Variants in HTT observed in about 807,000 individuals in gnomAD.
HTT encodes huntington disease protein.
HTT carries 104 observed loss-of-function variants against 362.3 expected under a neutral mutation model. The ratio of observed to expected loss-of-function variants is 0.29; its 90% CI spans 0.24 to 0.34. The LOEUF is 0.34. HTT is among the 10% of genes least tolerant of loss of function. HTT has a pLI of 1.00. For missense variants in HTT, 3,301 were observed against 3,928.6 expected, an observed-to-expected ratio of 0.84 and a Z score of 4.27; for synonymous variants, 1,577 against 1,548.7, an observed-to-expected ratio of 1.02 and a Z score of -0.43.
At chr4:3,105,052 G>A (rs555465227) in intron 4 of HTT, among the ~76,000 whole-genome samples, 3 of 152,268 alleles carry the variant, frequency 2.0e-5, no homozygotes, top group South Asian at 4.1e-4. Flanking sequence ...GCAGGTGTGG[G>A]ATTTCATCGT....
intron 7 of HTT, among the ~76,000 whole-genome samples, chr4:3,115,709 G>T (rs1244110275): frequency 2.0e-5 from 3 of 152,222 alleles, no homozygotes; most frequent in Non-Finnish European, 2.9e-5. Context: ...GTCTGTGTCG[G>T]CCATGACTAT....
At chr4:3,105,545 T>C in intron 5 of HTT, 109 bp downstream of exon 5, 5 of 764,850 alleles carry the variant, frequency 6.5e-6, no homozygotes, top group East Asian at 2.5e-5. Context: ...CTCTCCAAAT[T>C]GCAGTCGACC....
chr4:3,160,171 G>A (rs1380435444), intron 28 of HTT, 111 bp from the exon 29 acceptor site: 35 of 709,730 alleles, frequency 4.9e-5, no homozygotes, highest in Non-Finnish European at 7.7e-5. Flanking sequence ...AGTGTACGGC[G>A]CCGCACAGTG....
chr4:3,225,873 A>T (rs1348642615), intron 57 of HTT, 130 bp downstream of exon 57: 2 of 644,882 alleles, frequency 3.1e-6, no homozygotes, highest in African/African-American at 3.7e-5. Flanking sequence ...TTTAAAAAAA[A>T]ATTTAATGTT....
rs1180584015 is a variant in HTT, at chr4:3,199,899, A to G, written c.5536A>G (p.Thr1846Ala). 1.9e-6 allele frequency: 3 copies of G among 1,613,936 alleles called. No homozygotes were observed. The highest frequency in any genetic ancestry group is 3.3e-5 in the Admixed American group (2 of 59,994). ...TCAGATACTGCTGCTTGTCAACCACACCGACTACCGCTGGTGGGCAGAAGT... is the reference window on the plus strand; with the variant it reads ...TCAGATACTGCTGCTTGTCAACCACGCCGACTACCGCTGGTGGGCAGAAGT... Reference protein sequence around the residue: ...WCQILLLVNHTDYRWWAEVQQ... With the variant: ...WCQILLLVNHADYRWWAEVQQ... Residue 1846 changes from threonine to alanine, a missense_variant, in exon 41 of 67, where the codon ACC becomes GCC. Thr to Ala is a moderately conservative substitution (Grantham distance 58). Around this residue, in one of 4 missense-constraint regions of HTT, gnomAD observed 2,316 missense variants for 2,658.5 expected, o/e 0.87. Transcript: ENST00000355072.
intron 24 of HTT, 121 bp from the exon 25 acceptor site, chr4:3,146,676 A>T (rs1053991602): frequency 2.4e-6 from 2 of 822,280 alleles, no homozygotes; most frequent in Non-Finnish European, 3.9e-6. Context: ...AAATAAAACA[A>T]TTTCTGAGCT....
At chr4:3,101,912 CCTT>C (rs917854759) in intron 3 of HTT, among the ~76,000 whole-genome samples, 4 of 152,108 alleles carry the variant, frequency 2.6e-5, no homozygotes, top group African/African-American at 7.2e-5. Flanking sequence ...AGATTGGAGA[CCTT>C]CTTAATCATC....
chr4:3,092,157 G>T (rs1713544749), intron 2 of HTT, among the ~76,000 whole-genome samples: 1 of 151,974 alleles, frequency 6.6e-6, no homozygotes, highest in Admixed American at 6.6e-5. Context: ...TGAGTAGCTG[G>T]GATTACAGGC....
intron 35 of HTT, among the ~76,000 whole-genome samples, chr4:3,179,550 G>A (rs1188610966): frequency 6.6e-6 from 1 of 151,972 alleles, no homozygotes; most frequent in Admixed American, 6.6e-5. Context: ...AAAGAGGGTT[G>A]CATTGTGCCC....
In HTT at chr4:3,105,378, C is replaced by T. The variant is rs780520733; in HGVS notation, c.550C>T (p.Arg184Cys). ...TCAGAATGGTGCCCCTCGGAGTTTG[C>T]GTGCTGCCCTGTGGAGGTTTGCTGA... ...IKKNGAPRSL[R>C]AALWRFAELA... Residue 184 changes from arginine (R) to cysteine (C), a missense_variant, in exon 5 of 67, where the codon CGT becomes TGT. By Grantham distance (180) the Arg-to-Cys change is radical. Coordinates refer to ENST00000355072, the MANE Select transcript of HTT (RefSeq NM_001388492.1). 6 of 1,613,716 alleles carry T rather than the reference C, an allele frequency of 3.7e-6. No homozygotes were observed. The highest frequency in any genetic ancestry group is 1.7e-5 in the Admixed American group (1 of 60,030).
At chr4:3,221,907 C>T (rs541199327) in intron 53 of HTT, among the ~76,000 whole-genome samples, 2 of 152,384 alleles carry the variant, frequency 1.3e-5, no homozygotes, top group East Asian at 3.9e-4. Context: ...GTAGAATTCA[C>T]ATACTACAGA....
At chr4:3,227,868 G>A in intron 57 of HTT, among the ~76,000 whole-genome samples, 1 of 152,238 alleles carries the variant, frequency 6.6e-6, no homozygotes, top group East Asian at 1.9e-4. Context: ...GATGCCACTG[G>A]ACTGAGCCGC....
intron 10 of HTT, 67 bp downstream of exon 10, chr4:3,123,003 ATGTATCT>A: frequency 7.8e-7 from 1 of 1,280,172 alleles, no homozygotes; most frequent in East Asian, 2.3e-5. Flanking sequence ...CTGTAATGTA[ATGTATCT>A]TGTATTTCTT....
At position 3,148,190 on chromosome 4, in the gene HTT, C is replaced by T. The variant is rs776567768; in HGVS notation, c.3481C>T (p.Pro1161Ser). 1.9e-6 allele frequency: 3 copies of T among 1,583,048 alleles called. No homozygotes were observed. In the African/African-American group the frequency reaches 4.0e-5, roughly 21 times the overall value. The change falls in exon 26 of 67, where the codon CCT (proline) becomes TCT (serine). Residue 1161 changes from proline to serine, a missense_variant. This residue lies in a region of HTT where 2,316 missense variants were observed against 2,658.5 expected (regional missense o/e 0.87). Transcript: ENST00000355072. ...ICAHVLDDVA[P>S]GPAIKAALPS... ...TGCCCACGTCCTGGATGACGTGGCT[C>T]CTGGACCCGCAATAAAGGTAATGTC... is the stretch of plus-strand genomic sequence containing the variant.
intron 8 of HTT, among the ~76,000 whole-genome samples, chr4:3,116,647 C>T (rs1201598980): frequency 7.2e-5 from 11 of 152,162 alleles, no homozygotes; most frequent in Admixed American, 3.3e-4. Flanking sequence ...GCTTCTGCCC[C>T]GTGGAGGCTG....
At chr4:3,085,110 C>T (rs1336847574) in intron 1 of HTT, among the ~76,000 whole-genome samples, 1 of 151,726 alleles carries the variant, frequency 6.6e-6, no homozygotes, top group African/African-American at 2.4e-5. Flanking sequence ...TGCTTGATTA[C>T]ACAATTAGAG....
intron 51 of HTT, 39 bp downstream of exon 51, chr4:3,215,250 C>A: frequency 6.7e-7 from 1 of 1,485,364 alleles, no homozygotes; most frequent in Non-Finnish European, 9.4e-7. Flanking sequence ...CATGTTGTTC[C>A]TCCAGGACTT....
intron 24 of HTT, among the ~76,000 whole-genome samples, chr4:3,146,321 A>G (rs1441766990): frequency 6.6e-6 from 1 of 152,222 alleles, no homozygotes; most frequent in African/African-American, 2.4e-5. Context: ...ATGGCGTGTT[A>G]AAGGATACCA....
rs148642723 is a variant in HTT, at chr4:3,150,520, T to C, written c.3498+2313T>C. 1.7e-3 allele frequency among the ~76,000 whole-genome samples: 255 copies of C among 152,212 alleles called. 2 individuals are homozygous for C. The highest frequency in any genetic ancestry group is 3.0e-3 in the Admixed American group (46 of 15,286). ...ATATGTCAGACACGGTGTGATGAGC[T>C]CAGCTTTCTGTCCTCCTCCCCACAT... is the stretch of plus-strand genomic sequence containing the variant. On this transcript the variant is annotated intron_variant, in intron 26 of 66. Coordinates refer to ENST00000355072, the MANE Select transcript of HTT (RefSeq NM_001388492.1).
Sources: gnomAD v4.1 joint callset for allele counts (sites outside exome capture counted in the v4.1 genomes callset) on GRCh38, gnomAD v4.1.1 for gene constraint, gnomAD v4.1.1 regional missense constraint, MANE v1.5 for transcripts, NCBI Gene and HGNC (gene_info 2026-07-23, HGNC 2026-07-21) for gene names.